The following ENKD1 variants were observed in gnomAD, a reference collection of about 807,000 sequenced individuals.
The protein encoded by ENKD1 is enkurin domain-containing protein 1.
In ENKD1, 39 loss-of-function variants were observed where a neutral mutation model predicts 35.8. That is an observed-to-expected ratio of 1.09 (90% CI 0.84 to 1.42). The LOEUF (loss-of-function observed/expected upper bound fraction) is 1.42. Among genes scored for constraint, ENKD1 ranks in the 40% most tolerant of loss-of-function variants. The pLI is 0.00. For synonymous variants in ENKD1, 205 were observed against 198.6 expected (o/e 1.03, Z -0.27); for missense variants, 474 against 471.3 (o/e 1.01, Z -0.05).
Position 67,663,019 on chromosome 16 carries a change from T to G in ENKD1, c.*142A>C, listed in dbSNP as rs1359853226. 2.1e-6 allele frequency: 2 copies of G among 971,656 alleles called. No individual in the cohort carries two copies. Among genetic ancestry groups the G allele is most frequent in the Non-Finnish European group, 3.0e-6 (2 of 671,432 alleles). The allele number at this position is 971,656 out of a possible 1,614,324, so 60.2% of individuals were successfully genotyped here. ...TGGCCCTTCTGCAGCCACTGGTGAC[T>G]GGGAAGAGTGCTCTAGGGACACTGG... On this transcript the variant is annotated 3_prime_UTR_variant, in exon 7 of 7. Transcript: ENST00000243878.
In ENKD1 at chr16:67,666,193, G is replaced by C; in HGVS notation, c.158C>G (p.Ala53Gly). 1 of 1,611,836 alleles carries C rather than the reference G, an allele frequency of 6.2e-7. No homozygotes were observed. The highest frequency in any genetic ancestry group is 1.1e-5 in the South Asian group (1 of 90,994). ...LTSDRALDTTAPRGPCIGPGA... is the reference protein window; with the variant it reads ...LTSDRALDTTGPRGPCIGPGA... ...GGGACCGATGCAGGGGCCACGGGGA[G>C]CGGTGGTGTCCAGGGCCCGGTCGGA... is the stretch of plus-strand genomic sequence containing the variant. Residue 53 changes from alanine (A) to glycine (G), a missense_variant, in exon 2 of 7, where the codon GCT (alanine) becomes GGT (glycine). Physicochemically the swap from Ala to Gly is moderately conservative, Grantham distance 60. Coordinates refer to ENST00000243878, the MANE Select transcript of ENKD1 (RefSeq NM_032140.3).
chr16:67,665,085 G>A lies in ENKD1; in HGVS notation c.364C>T (p.Arg122Trp), dbSNP rs760480206. ...QKRFREQERS[R>W]EQGQPRPLKA... is the part of the protein sequence containing the mutation. ...AGGGGCCTGGGCTGGCCCTGCTCCC[G>A]GCTGCGCTCCTGTTCTCTGAAGCGC... Residue 122 changes from arginine (R) to tryptophan (W), a missense_variant, in exon 3 of 7, where the codon CGG becomes TGG. By Grantham distance (101) the Arg-to-Trp change is moderately radical. Coordinates refer to ENST00000243878, the MANE Select transcript of ENKD1 (RefSeq NM_032140.3). 1.3e-5 allele frequency: 21 copies of A among 1,613,900 alleles called. No individual in the cohort carries two copies. The highest frequency in any genetic ancestry group is 2.7e-5 in the African/African-American group (2 of 75,022).
Position 67,665,002 on chromosome 16 carries a change from C to G in ENKD1, c.447G>C (p.Gln149His), listed in dbSNP as rs767195624. ...GGCTCCCTGAAGCAGGTACCTGGAG[C>G]TGGGCCTTGACCCGGGACTCCACCT... ...YDKVESRVKA[Q>H]LQEPGPASGT... Residue 149 changes from glutamine to histidine, a missense_variant, in exon 3 of 7, where the codon CAG becomes CAC. By Grantham distance (24) the Gln-to-His change is conservative (BLOSUM62 0). Coordinates refer to ENST00000243878, the MANE Select transcript of ENKD1 (RefSeq NM_032140.3). The G allele has an allele frequency of 6.2e-7, 1 of 1,600,236 alleles. No individual in the cohort carries two copies. The highest frequency in any genetic ancestry group is 1.1e-5 in the South Asian group (1 of 89,616).
rs777959543 is a variant in ENKD1, at chr16:67,665,039, G to C, written c.410C>G (p.Pro137Arg). 1.2e-6 allele frequency: 2 copies of C among 1,613,086 alleles called. No homozygotes were observed. Among genetic ancestry groups the C allele is most frequent in the East Asian group, 2.2e-5 (1 of 44,866 alleles). The part of the protein sequence containing the change: ...PRPLKALWRS[P>R]KYDKVESRVK... ...CCGGGACTCCACCTTGTCGTACTTG[G>C]GTGAGCGCCACAGAGCTTTCAGGGG... Residue 137 changes from proline to arginine, a missense_variant, in exon 3 of 7, where the codon CCC becomes CGC. Transcript: ENST00000243878.
intron 3 of ENKD1, chr16:67,664,399 T>C: frequency 2.4e-6 from 1 of 409,956 alleles, no homozygotes; most frequent in Non-Finnish European, 4.6e-6. Context: ...GGTCTCGTTG[T>C]CCTCAACCTG....
Position 67,666,074 on chromosome 16 carries a change from TGAGA to T in ENKD1, c.273_276del (p.Leu92ArgfsTer13). ...TTCTTCCATTCCTGGGACTTACTCT[TGAGA>T]GAGGCCCCAGGACCTAGGGAGATCC... On this transcript the variant is annotated frameshift_variant, in exon 2 of 7. Coordinates refer to ENST00000243878, the MANE Select transcript of ENKD1 (RefSeq NM_032140.3). LOFTEE classifies it high-confidence loss of function. The T allele has an allele frequency of 6.2e-7, 1 of 1,612,246 alleles. No individual in the cohort carries two copies. The highest frequency in any genetic ancestry group is 1.1e-5 in the South Asian group (1 of 91,070).
rs762066090 is a variant in ENKD1 at position 67,663,812 on chromosome 16, G to A, written c.588C>T (p.Gly196=). Reference sequence around the variant, plus strand: ...TGTGACGAATGAAGTCCACCCCCAGGCCTGGCTCCTGCAGGACACAGCAAG... The same window carrying A: ...TGTGACGAATGAAGTCCACCCCCAGACCTGGCTCCTGCAGGACACAGCAAG... ...TPPGPEAKEP[G]LGVDFIRHNA... is the part of the protein sequence containing the mutation. Residue 196 remains glycine, a synonymous_variant, in exon 5 of 7, where the codon GGC becomes GGT. Coordinates refer to ENST00000243878, the MANE Select transcript of ENKD1 (RefSeq NM_032140.3). 1.2e-6 allele frequency: 2 copies of A among 1,605,654 alleles called. No individual in the cohort carries two copies. Among genetic ancestry groups the A allele is most frequent in the South Asian group, 2.2e-5 (2 of 89,752 alleles).
rs750258715 is a variant in ENKD1, at chr16:67,665,015, C to T, written c.434G>A (p.Arg145Gln). ...AGGTACCTGGAGCTGGGCCTTGACC[C>T]GGGACTCCACCTTGTCGTACTTGGG... is the stretch of plus-strand genomic sequence containing the variant. The part of the protein sequence containing the change: ...RSPKYDKVES[R>Q]VKAQLQEPGP... Residue 145 changes from arginine (R) to glutamine (Q), a missense_variant, in exon 3 of 7, where the codon CGG becomes CAG. Coordinates refer to ENST00000243878, the MANE Select transcript of ENKD1 (RefSeq NM_032140.3). 24 of 1,606,066 alleles carry T rather than the reference C, an allele frequency of 1.5e-5. No individual in the cohort carries two copies. The highest frequency in any genetic ancestry group is 2.0e-5 in the Non-Finnish European group (23 of 1,176,696).
At position 67,662,951 on chromosome 16, in the gene ENKD1, G is replaced by T; in HGVS notation, c.*210C>A. On this transcript the variant is annotated 3_prime_UTR_variant, in exon 7 of 7. Transcript: ENST00000243878. The surrounding 1 kb of genome is among the most constrained non-coding windows in gnomAD (Gnocchi z 6.9). ...AAGCTCTTATGGAAACAAATCCTGT[G>T]TACAAAATGTTTAATTTTGACAAAG... is the stretch of plus-strand genomic sequence containing the variant. The T allele has an allele frequency of 1.5e-6, 1 of 656,788 alleles. No homozygotes were observed. The highest frequency in any genetic ancestry group is 2.5e-6 in the Non-Finnish European group (1 of 394,072). The allele number at this position is 656,788 out of a possible 1,614,324, so 40.7% of individuals were successfully genotyped here. A position where few individuals can be genotyped will look rare whatever the true frequency, so the allele number is the denominator to read the frequency against.
rs894831166 is a variant in ENKD1 at position 67,664,064 on chromosome 16, T to A, written c.454-2A>T. ...TGTCCCAGAGGCAGGGCCAGGCTCC[T>A]GGAGGGCAGGGCACAGCAGAGAGAG... On this transcript the variant is annotated splice_acceptor_variant, in intron 3 of 6. Transcript: ENST00000243878. LOFTEE classifies it high-confidence loss of function. The A allele has an allele frequency of 3.9e-6, 6 of 1,555,326 alleles. No individual in the cohort carries two copies. Among genetic ancestry groups the A allele is most frequent in the Non-Finnish European group, 5.2e-6 (6 of 1,149,318 alleles).
rs1284659819 is a variant in ENKD1, at chr16:67,664,006, G to A, written c.510C>T (p.Arg170=). 1.3e-6 allele frequency: 2 copies of A among 1,576,892 alleles called. No individual in the cohort carries two copies. The highest frequency in any genetic ancestry group is 1.7e-6 in the Non-Finnish European group (2 of 1,160,666). Residue 170 remains arginine (R), a synonymous_variant, in exon 4 of 7, where the codon CGC becomes CGT. Coordinates refer to ENST00000243878, the MANE Select transcript of ENKD1 (RefSeq NM_032140.3). The part of the protein sequence containing the change: ...ESAHFLRAHS[R]CGPGLPPPHV... ...GGGGTGGTGGGAGGCCAGGGCCGCA[G>A]CGGGAGTGCGCCCGCAGGAAGTGGG...
Position 67,666,112 on chromosome 16 carries a change from T to G in ENKD1, c.239A>C (p.Gln80Pro), listed in dbSNP as rs1398364691. 1 of 1,612,762 alleles carries G rather than the reference T, an allele frequency of 6.2e-7. No individual in the cohort carries two copies. The highest frequency in any genetic ancestry group is 1.3e-5 in the African/African-American group (1 of 75,026). Residue 80 changes from glutamine to proline, a missense_variant, in exon 2 of 7, where the codon CAA becomes CCA. Gln to Pro is a moderately conservative substitution (Grantham distance 76, BLOSUM62 -1). Coordinates refer to ENST00000243878, the MANE Select transcript of ENKD1 (RefSeq NM_032140.3). ...GQRGVGDVLL[Q>P]LEGISLGPGA... Reference sequence around the variant, plus strand: ...AGGACCTAGGGAGATCCCCTCGAGTTGCAACAGCACGTCCCCGACGCCGCG... The same window carrying G: ...AGGACCTAGGGAGATCCCCTCGAGTGGCAACAGCACGTCCCCGACGCCGCG...
rs1176107983 is a variant in ENKD1, at chr16:67,665,137, G to A, written c.312C>T (p.Asn104=). The change falls in exon 3 of 7, where the codon AAC becomes AAT. Residue 104 remains asparagine, a synonymous_variant. Coordinates refer to ENST00000243878, the MANE Select transcript of ENKD1 (RefSeq NM_032140.3). ...TCTGAATCTCCCTGATCCGCCTCAG[G>A]TTCTCCTTCTCATGGTCCTTAGGGT... is the stretch of plus-strand genomic sequence containing the variant. ...RKDPKDHEKE[N]LRRIREIQKR... 1 of 1,613,766 alleles carries A rather than the reference G, an allele frequency of 6.2e-7. No homozygotes were observed. Among genetic ancestry groups the A allele is most frequent in the South Asian group, 1.1e-5 (1 of 91,060 alleles).
In ENKD1 at chr16:67,663,689, G is replaced by GTAGT. The variant is rs2053062169; in HGVS notation, c.707_710dup (p.Tyr237Ter). On this transcript the variant is annotated stop_gained and frameshift_variant, in exon 5 of 7. Transcript: ENST00000243878. LOFTEE classifies it high-confidence loss of function. ...GCACATGGCCCTTCTGCGTGGCATT[G>GTAGT]TAGTGCTCCTGGGCCTGCCGCTGCT... 1 of 1,613,266 alleles carries GTAGT rather than the reference G, an allele frequency of 6.2e-7. No individual in the cohort carries two copies. The highest frequency in any genetic ancestry group is 1.1e-5 in the South Asian group (1 of 90,984).
chr16:67,665,406 C>T (rs889943254), intron 2 of ENKD1, among the ~76,000 whole-genome samples: 2 of 152,070 alleles, frequency 1.3e-5, no homozygotes, highest in African/African-American at 2.4e-5. Context: ...GACAGGGTCT[C>T]ACTCTGTCAC....
chr16:67,664,216 A>C, intron 3 of ENKD1, 154 bp from the exon 4 acceptor site: 1 of 720,782 alleles, frequency 1.4e-6, no homozygotes, highest in Non-Finnish European at 2.5e-6. Context: ...CAGCACACAA[A>C]TGTGTGAGTA....
chr16:67,665,086 G>C lies in ENKD1; in HGVS notation c.363C>G (p.Ser121Arg). 1.2e-6 allele frequency: 2 copies of C among 1,613,884 alleles called. No homozygotes were observed. The highest frequency in any genetic ancestry group is 1.7e-6 in the Non-Finnish European group (2 of 1,179,972). The change falls in exon 3 of 7, where the codon AGC (serine) becomes AGG (arginine). Residue 121 changes from serine to arginine, a missense_variant. Ser to Arg is a moderately radical substitution (Grantham distance 110, BLOSUM62 -1). Transcript: ENST00000243878. ...IQKRFREQER[S>R]REQGQPRPLK... ...GGGGCCTGGGCTGGCCCTGCTCCCG[G>C]CTGCGCTCCTGTTCTCTGAAGCGCT...
intron 3 of ENKD1, 46 bp downstream of exon 3, chr16:67,664,950 T>A: frequency 2.6e-6 from 4 of 1,553,472 alleles, no homozygotes; most frequent in Non-Finnish European, 3.5e-6. Context: ...CAGTTGCCTG[T>A]TGGCCAACAA....
chr16:67,663,746 G>T lies in ENKD1; in HGVS notation c.654C>A (p.Cys218Ter). 6.2e-7 allele frequency: 1 copy of T among 1,612,282 alleles called. No homozygotes were observed. The highest frequency in any genetic ancestry group is 1.3e-5 in the African/African-American group (1 of 75,048). The change falls in exon 5 of 7, where the codon TGC becomes TGA. Residue 218 changes from cysteine to a stop codon, truncating the protein, a stop_gained. Transcript: ENST00000243878. LOFTEE classifies it high-confidence loss of function. ...AAKRAPRRHS[C>*]SLQVLAQVLE... ...GCACTTGTGCCAGGACCTGCAGTGAGCAGGAATGCCTCCGGGGGGCTCTCT... is the reference window on the plus strand; with the variant it reads ...GCACTTGTGCCAGGACCTGCAGTGATCAGGAATGCCTCCGGGGGGCTCTCT...
Sources: allele counts gnomAD v4.1 joint callset (sites outside exome capture counted in the v4.1 genomes callset), GRCh38; gene constraint gnomAD v4.1.1; non-coding constraint Gnocchi (gnomAD v3.1); transcripts MANE v1.5; gene names NCBI Gene and HGNC (gene_info 2026-07-23, HGNC 2026-07-21).